FAM133A: variants seen among roughly 807,000 people sequenced by gnomAD.
FAM133A encodes the protein protein FAM133A.
For missense variants in FAM133A, 159 were observed against 164.4 expected (o/e 0.97, Z 0.18); for synonymous variants, 65 against 58.6 (o/e 1.11, Z -0.50).
At chrX:93,693,384 T>C (rs1926018886) in intron 2 of FAM133A, among the ~76,000 whole-genome samples, 1 of 111,105 alleles carries the variant, frequency 9.0e-6, no homozygotes, top group South Asian at 3.8e-4. Context: ...GTCACTGAGA[T>C]ATATATTCTT....
chrX:93,705,758 C>A (rs1927001372), intron 3 of FAM133A, among the ~76,000 whole-genome samples: 1 of 110,532 alleles, frequency 9.0e-6, no homozygotes, highest in African/African-American at 3.3e-5. Flanking sequence ...AATTTCATTC[C>A]TTTCTGTTTT....
intron 2 of FAM133A, among the ~76,000 whole-genome samples, chrX:93,690,646 G>A (rs1332542426): frequency 9.0e-6 from 1 of 111,704 alleles, no homozygotes; most frequent in Non-Finnish European, 1.9e-5. Flanking sequence ...ACTGTTTCCA[G>A]TTATTTTTGT....
chrX:93,709,110 A>G (rs1001526727), intron 3 of FAM133A, among the ~76,000 whole-genome samples: 12 of 112,021 alleles, frequency 1.1e-4, no homozygotes, highest in African/African-American at 3.9e-4. Context: ...TGAGGTATAT[A>G]AAACACTTTT....
intron 3 of FAM133A, among the ~76,000 whole-genome samples, chrX:93,703,264 A>G (rs1926840761): frequency 8.9e-6 from 1 of 111,917 alleles, no homozygotes; most frequent in Non-Finnish European, 1.9e-5. Context: ...AGTCACGGTC[A>G]TCAAAAACAA....
chrX:93,707,002 G>C (rs746607732), intron 3 of FAM133A, among the ~76,000 whole-genome samples: 1 of 112,024 alleles, frequency 8.9e-6, no homozygotes, highest in Admixed American at 9.5e-5. Flanking sequence ...AATCCCACAG[G>C]AGAGATTCCA....
Position 93,709,299 on chromosome X carries a change from C to T in FAM133A, c.-103-18C>T. 2 of 911,816 alleles carry T rather than the reference C, an allele frequency of 2.2e-6. No individual in the cohort carries two copies. The highest frequency in any genetic ancestry group is 2.8e-6 in the Non-Finnish European group (2 of 705,147). The allele number at this position is 911,816 out of a possible 1,213,427, so 75.1% of individuals were successfully genotyped here. A position where few individuals can be genotyped will look rare whatever the true frequency, so the allele number is the denominator to read the frequency against. On this transcript the variant is annotated intron_variant, in intron 3 of 3. Transcript: ENST00000683942. Reference sequence around the variant, plus strand: ...TATTAAAGGTGATTTGTAATCATTCCATCTGCTTCTCTTACAGAATGGAGC... The same window carrying T: ...TATTAAAGGTGATTTGTAATCATTCTATCTGCTTCTCTTACAGAATGGAGC...
chrX:93,691,361 A>T lies in FAM133A; in HGVS notation c.-192-7036A>T, dbSNP rs756534366. On this transcript the variant is annotated intron_variant, in intron 2 of 3. Transcript: ENST00000683942. Reference sequence around the variant, plus strand: ...TGAAGTGTCTAATTTCTTTCTTTTCAAAAAAGATGGATACACAAATGTCCA... The same window carrying T: ...TGAAGTGTCTAATTTCTTTCTTTTCTAAAAAGATGGATACACAAATGTCCA... Among the ~76,000 whole-genome samples the T allele has an allele frequency of 6.3e-5, 7 of 111,953 alleles. No individual in the cohort carries two copies. The South Asian group carries it at 2.6e-3, about 41-fold the overall frequency.
At chrX:93,701,448 A>G (rs756234855) in intron 3 of FAM133A, among the ~76,000 whole-genome samples, 1 of 111,529 alleles carries the variant, frequency 9.0e-6, no homozygotes, top group Non-Finnish European at 1.9e-5. Flanking sequence ...TTTGGGGTGT[A>G]TTTTTATATA....
intron 2 of FAM133A, among the ~76,000 whole-genome samples, chrX:93,681,495 A>G (rs746718773): frequency 8.1e-5 from 9 of 111,774 alleles, no homozygotes; most frequent in African/African-American, 2.9e-4. Context: ...ATGAAAGTAT[A>G]TGTTTAGTAA....
chrX:93,704,492 T>A (rs1926917143), intron 3 of FAM133A, among the ~76,000 whole-genome samples: 1 of 111,618 alleles, frequency 9.0e-6, no homozygotes, highest in Admixed American at 9.6e-5. Context: ...AGATTAAGGC[T>A]TAGAGGAATT....
intron 2 of FAM133A, among the ~76,000 whole-genome samples, chrX:93,685,821 C>T (rs1645372992): frequency 9.0e-6 from 1 of 111,306 alleles, no homozygotes; most frequent in Non-Finnish European, 1.9e-5. Context: ...CTGAAATTAA[C>T]CCTTTTGCCA....
At chrX:93,707,750 C>G (rs1407702242) in intron 3 of FAM133A, among the ~76,000 whole-genome samples, 1 of 111,574 alleles carries the variant, frequency 9.0e-6, no homozygotes, top group African/African-American at 3.3e-5. Flanking sequence ...GACACTCCCT[C>G]TGAATCCTCC....
rs1569344510 is a variant in FAM133A, at chrX:93,679,958, T to TTC, written c.-193+5206_-193+5207insTC. On this transcript the variant is annotated intron_variant, in intron 2 of 3. Transcript: ENST00000683942. ...TTTTTTTTTTTTTTTTTTTTTTTTT[T>TTC]AGTAGAGACAGGGTTTCACCATATT... is the stretch of plus-strand genomic sequence containing the variant. Among the ~76,000 whole-genome samples, 53 of 72,851 alleles carry TTC rather than the reference T, an allele frequency of 7.3e-4. 1 individual carries two copies. The highest frequency in any genetic ancestry group is 6.8e-3 in the Admixed American group (38 of 5,561). The allele number at this position is 72,851 out of a possible 115,157, so 63.3% of individuals were successfully genotyped here. A position where few individuals can be genotyped will look rare whatever the true frequency, so the allele number is the denominator to read the frequency against.
chrX:93,705,279 T>A (rs1160469039), intron 3 of FAM133A, among the ~76,000 whole-genome samples: 1 of 111,651 alleles, frequency 9.0e-6, no homozygotes, highest in East Asian at 2.8e-4. Context: ...TTTACAGGAT[T>A]TTAGCATATT....
chrX:93,683,517 C>T (rs1177692995), intron 2 of FAM133A, among the ~76,000 whole-genome samples: 1 of 111,739 alleles, frequency 8.9e-6, no homozygotes, highest in Non-Finnish European at 1.9e-5. Flanking sequence ...TTGAAAAATA[C>T]TTTTCTTTGG....
At chrX:93,702,123 C>T (rs1926744371) in intron 3 of FAM133A, among the ~76,000 whole-genome samples, 1 of 111,951 alleles carries the variant, frequency 8.9e-6, no homozygotes, top group African/African-American at 3.2e-5. Flanking sequence ...AAACATTTTA[C>T]ATATTTTGTA....
chrX:93,709,916 A>G lies in FAM133A; in HGVS notation c.497A>G (p.Glu166Gly). The G allele has an allele frequency of 8.4e-7, 1 of 1,192,067 alleles. No homozygotes were observed. The highest frequency in any genetic ancestry group is 1.1e-6 in the Non-Finnish European group (1 of 888,361). ...SVKKKKKSKD[E>G]TEKEKDVRSL... is the part of the protein sequence containing the mutation. ...AAAAAGAAAAAGAAGTCAAAGGATG[A>G]AACAGAGAAAGAAAAGGATGTAAGA... is the stretch of plus-strand genomic sequence containing the variant. Residue 166 changes from glutamate (E) to glycine (G), a missense_variant, in exon 4 of 4, where the codon GAA becomes GGA. By Grantham distance (98) the Glu-to-Gly change is moderately conservative. Coordinates refer to ENST00000683942, the MANE Select transcript of FAM133A (RefSeq NM_001171109.2).
chrX:93,676,255 A>G lies in FAM133A; in HGVS notation c.-193+1503A>G, dbSNP rs181104319. Among the ~76,000 whole-genome samples, 6 of 111,417 alleles carry G rather than the reference A, an allele frequency of 5.4e-5. No individual in the cohort carries two copies. In the East Asian group the frequency reaches 1.7e-3, roughly 31 times the overall value. Reference sequence around the variant, plus strand: ...TTGTGAAGATGATATGTGTTCATTGATAAAGTCAGGCAATACATTGAAATA... The same window carrying G: ...TTGTGAAGATGATATGTGTTCATTGGTAAAGTCAGGCAATACATTGAAATA... On this transcript the variant is annotated intron_variant, in intron 2 of 3. Transcript: ENST00000683942.
chrX:93,681,506 G>A (rs1243530009), intron 2 of FAM133A, among the ~76,000 whole-genome samples: 2 of 111,644 alleles, frequency 1.8e-5, no homozygotes, highest in African/African-American at 6.5e-5. Context: ...TGTTTAGTAA[G>A]TAGTATAGAC....
Sources: allele counts gnomAD v4.1 joint callset (sites outside exome capture counted in the v4.1 genomes callset), GRCh38; gene constraint gnomAD v4.1.1; transcripts MANE v1.5; gene names NCBI Gene and HGNC (gene_info 2026-07-23, HGNC 2026-07-21).